The following TGFBR1 variants were observed in gnomAD, a reference collection of about 807,000 sequenced individuals.
The protein encoded by TGFBR1 is TGF-beta receptor type-1.
TGFBR1 carries 20 observed loss-of-function variants against 55.1 expected under a neutral mutation model. The observed-to-expected ratio is 0.36, with a 90% confidence interval of 0.26 to 0.53. The LOEUF is 0.53. Ranked by LOEUF, TGFBR1 falls within the 20% of genes least tolerant of loss-of-function variation. The pLI, the probability that TGFBR1 is intolerant of heterozygous loss-of-function variation, is 0.91. For synonymous variants in TGFBR1, 220 were observed against 214.8 expected, an observed-to-expected ratio of 1.02 and a Z score of -0.21; for missense variants, 385 against 617.6, an observed-to-expected ratio of 0.62 and a Z score of 3.99.
chr9:99,143,064 AAAAAAC>A (rs897973306), intron 5 of TGFBR1, among the ~76,000 whole-genome samples: 30 of 152,306 alleles, frequency 2.0e-4, no homozygotes, highest in African/African-American at 5.3e-4. Flanking sequence ...GTCTCAGAAA[AAAAAAC>A]AAAAACAAAA....
intron 1 of TGFBR1, chr9:99,127,890 G>C: frequency 2.2e-6 from 1 of 455,338 alleles, no homozygotes; most frequent in Middle Eastern, 3.3e-4. Flanking sequence ...GAATGCTGCT[G>C]TGCATGAGGC....
At chr9:99,142,816 T>G (rs538236588) in intron 5 of TGFBR1, 113 bp downstream of exon 5, 1 of 1,265,248 alleles carries the variant, frequency 7.9e-7, no homozygotes. Flanking sequence ...CCCAGCACTT[T>G]GGGAGGCTGA....
At chr9:99,116,521 A>G (rs1016871130) in intron 1 of TGFBR1, among the ~76,000 whole-genome samples, 2 of 152,212 alleles carry the variant, frequency 1.3e-5, no homozygotes, top group Non-Finnish European at 2.9e-5. Context: ...ATTCTAAACT[A>G]TTATCTAGAG....
At chr9:99,107,445 T>C in intron 1 of TGFBR1, among the ~76,000 whole-genome samples, 1 of 152,230 alleles carries the variant, frequency 6.6e-6, no homozygotes, top group East Asian at 1.9e-4. Context: ...TATATGTATA[T>C]CCCATCTGAG....
chr9:99,144,142 C>A (rs1827717897), intron 5 of TGFBR1, among the ~76,000 whole-genome samples: 1 of 152,118 alleles, frequency 6.6e-6, no homozygotes, highest in Admixed American at 6.6e-5. Flanking sequence ...TTTCAGTTAT[C>A]TTGGGTATAT....
At chr9:99,116,197 A>G (rs1326730490) in intron 1 of TGFBR1, among the ~76,000 whole-genome samples, 1 of 150,974 alleles carries the variant, frequency 6.6e-6, no homozygotes, top group Admixed American at 6.6e-5. Context: ...AAAAGGCCAC[A>G]TAAGTATTTT....
intron 4 of TGFBR1, among the ~76,000 whole-genome samples, chr9:99,139,198 TAA>T (rs200585576): frequency 6.3e-5 from 9 of 141,904 alleles, no homozygotes; most frequent in Admixed American, 2.1e-4. Flanking sequence ...CTTTCCTATT[TAA>T]AAAAAAAAAA....
intron 1 of TGFBR1, among the ~76,000 whole-genome samples, chr9:99,115,369 C>T (rs554098773): frequency 1.6e-4 from 25 of 152,224 alleles, no homozygotes; most frequent in Admixed American, 5.2e-4. Context: ...TTCTAGGACA[C>T]CTTCTTCAGG....
rs199578935 is a variant in TGFBR1 at position 99,149,843 on chromosome 9, T to C, written c.*538T>C. On this transcript the variant is annotated 3_prime_UTR_variant, in exon 9 of 9. Coordinates refer to ENST00000374994, the MANE Select transcript of TGFBR1 (RefSeq NM_004612.4). ...TCTTGAGTCTAAAAATGACCTCATA[T>C]AGTAGTGAGGAACATAATTCATGCA... The C allele has an allele frequency of 6.8e-5, 15 of 222,192 alleles. No homozygotes were observed. Among genetic ancestry groups the C allele is most frequent in the Non-Finnish European group, 1.2e-4 (13 of 110,376 alleles). The allele number at this position is 222,192 out of a possible 1,614,324, so 13.8% of individuals were successfully genotyped here.
chr9:99,132,969 A>G (rs1234219960), intron 3 of TGFBR1, among the ~76,000 whole-genome samples: 1 of 152,220 alleles, frequency 6.6e-6, no homozygotes, highest in African/African-American at 2.4e-5. Flanking sequence ...AGTCAGCTCC[A>G]TGGTGGTATA....
intron 1 of TGFBR1, 83 bp downstream of exon 1, chr9:99,105,385 C>G (rs574235087): frequency 1.0e-6 from 1 of 966,044 alleles, no homozygotes; most frequent in Non-Finnish European, 1.2e-6. Context: ...CTTTCTCAAA[C>G]ATGGCGCGGG....
chr9:99,118,383 T>C (rs1219359494), intron 1 of TGFBR1, among the ~76,000 whole-genome samples: 2 of 152,206 alleles, frequency 1.3e-5, no homozygotes, highest in Non-Finnish European at 2.9e-5. Context: ...TATCTCTTTC[T>C]TATTTGTGAT....
intron 1 of TGFBR1, among the ~76,000 whole-genome samples, chr9:99,113,974 C>G (rs990140368): frequency 2.6e-5 from 4 of 152,154 alleles, no homozygotes; most frequent in African/African-American, 4.8e-5. Flanking sequence ...TCTCTAAGCT[C>G]TGTTTCTCCT....
At chr9:99,129,211 T>C in intron 2 of TGFBR1, 111 bp downstream of exon 2, 1 of 1,238,840 alleles carries the variant, frequency 8.1e-7, no homozygotes, top group Admixed American at 2.0e-5. Context: ...TCATTCCGTT[T>C]AGAGGCAAGA....
chr9:99,140,935 A>C (rs985583176), intron 4 of TGFBR1, among the ~76,000 whole-genome samples: 1 of 152,198 alleles, frequency 6.6e-6, no homozygotes, highest in African/African-American at 2.4e-5. Context: ...AGCTGACCCT[A>C]CTGGCTCTTC....
chr9:99,141,379 A>G (rs1242692922), intron 4 of TGFBR1, among the ~76,000 whole-genome samples: 1 of 152,200 alleles, frequency 6.6e-6, no homozygotes, highest in Non-Finnish European at 1.5e-5. Flanking sequence ...TTCTAATCAG[A>G]GTTGGTTTTC....
intron 3 of TGFBR1, among the ~76,000 whole-genome samples, chr9:99,135,580 G>A (rs954078725): frequency 1.1e-4 from 17 of 152,236 alleles, no homozygotes; most frequent in African/African-American, 4.1e-4. Flanking sequence ...TGTACGCCAA[G>A]TGTGTGAGTG....
At chr9:99,148,698 T>C (rs1239015432) in intron 8 of TGFBR1, among the ~76,000 whole-genome samples, 1 of 152,078 alleles carries the variant, frequency 6.6e-6, no homozygotes, top group Admixed American at 6.6e-5. Context: ...GCTGCTAGAT[T>C]TTGTCTTTTA....
chr9:99,131,571 A>AG (rs1330956548), intron 2 of TGFBR1, among the ~76,000 whole-genome samples: 1 of 152,192 alleles, frequency 6.6e-6, no homozygotes. Flanking sequence ...TTACAAGAAA[A>AG]TGATCTGGAC....
Sources: gnomAD v4.1 joint callset for allele counts (sites outside exome capture counted in the v4.1 genomes callset) on GRCh38, gnomAD v4.1.1 for gene constraint, MANE v1.5 for transcripts, NCBI Gene and HGNC (gene_info 2026-07-23, HGNC 2026-07-21) for gene names.